Variants in MAN2A1 observed in about 807,000 individuals in gnomAD.
MAN2A1 encodes mannosidase alpha class 2A member 1, also known as alpha-mannosidase 2.
Under a neutral mutation model 142.6 loss-of-function variants are expected in MAN2A1, and 76 were observed. The ratio of observed to expected loss-of-function variants is 0.53; its 90% CI spans 0.44 to 0.65. The LOEUF is 0.65. MAN2A1 is among the 30% of genes least tolerant of loss of function. The pLI is 0.00. For missense variants in MAN2A1, 1,311 were observed against 1,365.1 expected (o/e 0.96, Z 0.62); for synonymous variants, 559 against 473.2 (o/e 1.18, Z -2.35).
intron 19 of MAN2A1, among the ~76,000 whole-genome samples, chr5:109,852,914 G>A (rs972891416): frequency 9.2e-5 from 14 of 152,130 alleles, no homozygotes; most frequent in African/African-American, 3.4e-4. Context: ...GAAAGTACAT[G>A]AATGGCAGAA....
rs1202824012 is a variant in MAN2A1 at position 109,832,218 on chromosome 5, G to A, written c.2566+8381G>A. On this transcript the variant is annotated intron_variant, in intron 16 of 21. Coordinates refer to ENST00000261483, the MANE Select transcript of MAN2A1 (RefSeq NM_002372.4). ...TATTGATCATTCTTGGGTGTTTCTC[G>A]GAGAGGGGGATTTGGCAGGGTCATA... is the stretch of plus-strand genomic sequence containing the variant. Among the ~76,000 whole-genome samples, 366 of 128,322 alleles carry A rather than the reference G, an allele frequency of 2.9e-3. 1 individual carries two copies. The highest frequency in any genetic ancestry group is 9.7e-3 in the African/African-American group (344 of 35,526). 84.2% of individuals were successfully genotyped at this position (128,322 alleles called of 152,430 possible). A position where few individuals can be genotyped will look rare whatever the true frequency, so the allele number is the denominator to read the frequency against.
rs142670667 is a variant in MAN2A1 at position 109,706,164 on chromosome 5, C to T, written c.136-7356C>T. 4.9e-4 allele frequency among the ~76,000 whole-genome samples: 75 copies of T among 152,184 alleles called. 1 individual carries two copies. In the East Asian group the frequency reaches 8.1e-3, roughly 16 times the overall value. ...ACCCTATGAGTTAGGTATTATTCTC[C>T]CCATTTTACAGATGAGGAAACTGCA... On this transcript the variant is annotated intron_variant, in intron 1 of 21. Transcript: ENST00000261483.
At chr5:109,761,845 TA>T (rs1752852807) in intron 5 of MAN2A1, among the ~76,000 whole-genome samples, 1 of 152,048 alleles carries the variant, frequency 6.6e-6, no homozygotes, top group Non-Finnish European at 1.5e-5. Flanking sequence ...ATATCCAATT[TA>T]CATCTAAAAT....
At chr5:109,700,515 A>G (rs982997563) in intron 1 of MAN2A1, among the ~76,000 whole-genome samples, 2 of 152,130 alleles carry the variant, frequency 1.3e-5, no homozygotes, top group East Asian at 1.9e-4. Flanking sequence ...TTACCTGTAG[A>G]GCATCGGAAC....
At chr5:109,837,870 C>G (rs1297224698) in intron 16 of MAN2A1, among the ~76,000 whole-genome samples, 1 of 152,126 alleles carries the variant, frequency 6.6e-6, no homozygotes, top group Non-Finnish European at 1.5e-5. Context: ...TTATCCATAG[C>G]CCAGTTTACT....
chr5:109,726,199 A>T (rs1751740356), intron 3 of MAN2A1, among the ~76,000 whole-genome samples: 1 of 152,240 alleles, frequency 6.6e-6, no homozygotes, highest in Non-Finnish European at 1.5e-5. Flanking sequence ...TTAAATCTAG[A>T]GGTAGGAATA....
chr5:109,805,257 T>C (rs1754135301), intron 12 of MAN2A1, among the ~76,000 whole-genome samples: 1 of 152,346 alleles, frequency 6.6e-6, no homozygotes, highest in South Asian at 2.1e-4. Flanking sequence ...TTTAGAATAC[T>C]TGGAATATTT....
intron 12 of MAN2A1, among the ~76,000 whole-genome samples, chr5:109,805,246 T>G (rs1157010322): frequency 2.0e-5 from 3 of 152,196 alleles, no homozygotes; most frequent in African/African-American, 7.2e-5. Context: ...ATATCAAAAG[T>G]TTTAGAATAC....
chr5:109,829,802 G>A (rs1754857911), intron 16 of MAN2A1, among the ~76,000 whole-genome samples: 4 of 152,152 alleles, frequency 2.6e-5, no homozygotes, highest in Admixed American at 2.6e-4. Context: ...TGTATAAGCT[G>A]CTAATTGTTA....
At chr5:109,729,608 T>C (rs1751843919) in intron 4 of MAN2A1, 95 bp downstream of exon 4, 2 of 660,184 alleles carry the variant, frequency 3.0e-6, no homozygotes, top group African/African-American at 3.8e-5. Context: ...AATTCTTAGC[T>C]TTATATTTGA....
intron 4 of MAN2A1, among the ~76,000 whole-genome samples, chr5:109,732,794 T>C (rs1461757279): frequency 2.6e-5 from 4 of 152,024 alleles, no homozygotes; most frequent in East Asian, 1.9e-4. Flanking sequence ...AGTCAGGTAG[T>C]GTGATGCCTC....
intron 15 of MAN2A1, among the ~76,000 whole-genome samples, chr5:109,821,169 G>A (rs1284435907): frequency 1.3e-5 from 2 of 152,202 alleles, no homozygotes; most frequent in East Asian, 3.9e-4. Context: ...ATTTCTTATT[G>A]TCTTTTATTT....
At chr5:109,786,065 T>A (rs1001863585) in intron 10 of MAN2A1, among the ~76,000 whole-genome samples, 1 of 152,096 alleles carries the variant, frequency 6.6e-6, no homozygotes, top group Admixed American at 6.6e-5. Flanking sequence ...ATTAGTTGAT[T>A]TCAGTCCTTA....
intron 19 of MAN2A1, among the ~76,000 whole-genome samples, chr5:109,852,990 C>T (rs1205367034): frequency 2.6e-5 from 4 of 152,118 alleles, no homozygotes; most frequent in South Asian, 2.1e-4. Context: ...TCATGGTGCT[C>T]TTAGGGTAGT....
intron 1 of MAN2A1, among the ~76,000 whole-genome samples, chr5:109,712,751 T>C (rs1489424643): frequency 6.6e-6 from 1 of 152,214 alleles, no homozygotes; most frequent in Admixed American, 6.5e-5. Context: ...AGAATTATTG[T>C]TGAGTTTCAG....
At chr5:109,845,289 G>C (rs929184524) in intron 17 of MAN2A1, among the ~76,000 whole-genome samples, 14 of 152,076 alleles carry the variant, frequency 9.2e-5, no homozygotes, top group Non-Finnish European at 1.8e-4. Context: ...CAGGTACTAG[G>C]CTGCAAGGAA....
At chr5:109,863,841 C>G (rs921175461) in intron 20 of MAN2A1, 2 of 152,108 alleles carry the variant, frequency 1.3e-5, no homozygotes, top group Non-Finnish European at 2.9e-5. Flanking sequence ...CTGTGTGTAT[C>G]ATGTGGTCTT....
At chr5:109,788,058 C>CA (rs889479720) in intron 10 of MAN2A1, among the ~76,000 whole-genome samples, 2 of 151,500 alleles carry the variant, frequency 1.3e-5, no homozygotes, top group Admixed American at 1.3e-4. Context: ...TGCATGACAA[C>CA]AAAAATGTCT....
chr5:109,805,181 A>G (rs1318486479), intron 12 of MAN2A1, among the ~76,000 whole-genome samples: 1 of 152,176 alleles, frequency 6.6e-6, no homozygotes, highest in Non-Finnish European at 1.5e-5. Context: ...ATTGGTGACA[A>G]GACTCTTGGG....
Sources: allele counts gnomAD v4.1 joint callset (sites outside exome capture counted in the v4.1 genomes callset), GRCh38; gene constraint gnomAD v4.1.1; transcripts MANE v1.5; gene names NCBI Gene and HGNC (gene_info 2026-07-23, HGNC 2026-07-21).